Variants in PDE4D observed in about 807,000 individuals in gnomAD.
PDE4D encodes the protein 3',5'-cyclic-AMP phosphodiesterase 4D.
A neutral mutation model predicts 87.4 loss-of-function variants in PDE4D; 24 were observed. The observed-to-expected ratio is 0.27, with a 90% CI of 0.20 to 0.39. PDE4D has a LOEUF of 0.39. PDE4D is among the 10% of genes least tolerant of loss of function. PDE4D has a pLI of 1.00. For missense variants in PDE4D, 714 were observed against 1,041.0 expected (o/e 0.69, Z 4.32); for synonymous variants, 384 against 383.2 (o/e 1.00, Z -0.02).
rs1470046165 is a variant in PDE4D at position 59,804,416 on chromosome 5, C to G, written c.455+88752G>C. 6.6e-5 allele frequency among the ~76,000 whole-genome samples: 10 copies of G among 152,296 alleles called. No individual in the cohort carries two copies. The South Asian group carries it at 1.2e-3, about 19-fold the overall frequency. On this transcript the variant is annotated intron_variant, in intron 1 of 14. Coordinates refer to ENST00000340635, the MANE Select transcript of PDE4D (RefSeq NM_001104631.2). The stretch of plus-strand genomic sequence containing the variant: ...ATATACCACATTTTCTTTATCCACT[C>G]GTTGGTCGATGGGCAACAAGTTTGG...
intron 1 of PDE4D, chr5:59,275,707 G>A: frequency 1.2e-5 from 13 of 1,077,174 alleles, no homozygotes; most frequent in Non-Finnish European, 1.5e-5. Context: ...TCTTCATCTG[G>A]GTCACAAGGG....
intron 1 of PDE4D, among the ~76,000 whole-genome samples, chr5:59,341,362 T>C (rs1443636429): frequency 6.6e-6 from 1 of 152,208 alleles, no homozygotes; most frequent in African/African-American, 2.4e-5. Flanking sequence ...AGCTCCGTTG[T>C]ACTTTGGATC....
chr5:60,155,782 G>A (rs74963068), intron 2 of PDE4D, among the ~76,000 whole-genome samples: 2 of 147,910 alleles, frequency 1.4e-5, no homozygotes, highest in Non-Finnish European at 3.0e-5. Context: ...AGAGGCCTTC[G>A]ACTTCTAAAG....
At chr5:59,197,984 C>T (rs1164615771) in intron 2 of PDE4D, among the ~76,000 whole-genome samples, 4 of 152,136 alleles carry the variant, frequency 2.6e-5, no homozygotes. Flanking sequence ...TTTTCTGAGT[C>T]TCTTCTGAGA....
At chr5:59,914,574 G>A (rs1323046146) in intron 3 of PDE4D, among the ~76,000 whole-genome samples, 23 of 100,106 alleles carry the variant, frequency 2.3e-4, no homozygotes, top group African/African-American at 1.2e-3. Flanking sequence ...GCATGTGCGT[G>A]TGTGTGTGTG....
At chr5:59,158,791 CT>C (rs1172538117) in intron 5 of PDE4D, among the ~76,000 whole-genome samples, 34 of 152,210 alleles carry the variant, frequency 2.2e-4, no homozygotes, top group Non-Finnish European at 3.5e-4. Context: ...GATTATACCC[CT>C]GGTCTTAAAA....
At chr5:59,880,635 G>A (rs1749303366) in intron 1 of PDE4D, among the ~76,000 whole-genome samples, 1 of 152,110 alleles carries the variant, frequency 6.6e-6, no homozygotes, top group Admixed American at 6.5e-5. Context: ...TTTTTGATAT[G>A]TGACATCACA....
intron 5 of PDE4D, among the ~76,000 whole-genome samples, chr5:59,040,704 T>C (rs1258616278): frequency 1.3e-5 from 2 of 152,212 alleles, no homozygotes; most frequent in African/African-American, 4.8e-5. Flanking sequence ...CAAGGGTCCA[T>C]TTGATAAAAC....
chr5:60,468,771 C>T (rs1747594227), intron 1 of PDE4D, among the ~76,000 whole-genome samples: 1 of 152,098 alleles, frequency 6.6e-6, no homozygotes, highest in East Asian at 1.9e-4. Flanking sequence ...AGCAATCCTC[C>T]TACTTCAGCC....
intron 1 of PDE4D, among the ~76,000 whole-genome samples, chr5:59,338,350 G>A (rs569978706): frequency 4.6e-5 from 7 of 152,236 alleles, no homozygotes; most frequent in African/African-American, 1.7e-4. Flanking sequence ...AGTTTCATTA[G>A]CGCAAAAGTT....
chr5:59,510,720 G>C (rs140075604), intron 1 of PDE4D, among the ~76,000 whole-genome samples: 230 of 152,026 alleles, frequency 1.5e-3, no homozygotes, highest in African/African-American at 5.2e-3. Context: ...CAGGTATATG[G>C]AAACAGCAGG....
intron 6 of PDE4D, among the ~76,000 whole-genome samples, chr5:59,025,460 C>A (rs557096289): frequency 6.6e-6 from 1 of 152,242 alleles, no homozygotes; most frequent in African/African-American, 2.4e-5. Context: ...ATTTGTAATT[C>A]TTTTAAAAGA....
chr5:59,956,872 A>G (rs775571721), intron 3 of PDE4D, among the ~76,000 whole-genome samples: 4 of 152,172 alleles, frequency 2.6e-5, no homozygotes, highest in Non-Finnish European at 5.9e-5. Flanking sequence ...TGAGATTTAG[A>G]GAAAAGCCAA....
intron 5 of PDE4D, among the ~76,000 whole-genome samples, chr5:59,162,508 A>G (rs1781249560): frequency 6.6e-6 from 1 of 152,098 alleles, no homozygotes; most frequent in South Asian, 2.1e-4. Context: ...GTGAGGGAGA[A>G]CTATTATCTA....
At chr5:59,458,868 A>G (rs1330339156) in intron 1 of PDE4D, among the ~76,000 whole-genome samples, 4 of 152,132 alleles carry the variant, frequency 2.6e-5, no homozygotes, top group Non-Finnish European at 5.9e-5. Flanking sequence ...TCCTTCCCCA[A>G]TCTCATATTT....
intron 2 of PDE4D, among the ~76,000 whole-genome samples, chr5:60,088,725 G>A (rs1199123402): frequency 2.0e-5 from 3 of 151,630 alleles, no homozygotes; most frequent in Admixed American, 1.3e-4. Flanking sequence ...TGACAAAAAC[G>A]AAAGTAAGAG....
intron 2 of PDE4D, among the ~76,000 whole-genome samples, chr5:59,208,171 C>T (rs1269207868): frequency 1.3e-5 from 2 of 152,002 alleles, no homozygotes; most frequent in Admixed American, 6.6e-5. Flanking sequence ...TATCTCAAAA[C>T]AAACAAACAA....
At chr5:59,321,632 G>A (rs1002643609) in intron 1 of PDE4D, among the ~76,000 whole-genome samples, 7 of 152,178 alleles carry the variant, frequency 4.6e-5, no homozygotes, top group Admixed American at 4.6e-4. Context: ...GTGTGAAAAG[G>A]CGCCTCAGGA....
At chr5:59,205,367 A>G (rs1333647099) in intron 2 of PDE4D, among the ~76,000 whole-genome samples, 11 of 152,180 alleles carry the variant, frequency 7.2e-5, no homozygotes. Flanking sequence ...AGGAGTTAGT[A>G]ACCCTAGGTC....
Sources: gnomAD v4.1 joint callset for allele counts (sites outside exome capture counted in the v4.1 genomes callset) on GRCh38, gnomAD v4.1.1 for gene constraint, MANE v1.5 for transcripts, NCBI Gene and HGNC (gene_info 2026-07-23, HGNC 2026-07-21) for gene names.